The following TBC1D21 variants were observed in gnomAD, a reference collection of about 807,000 sequenced individuals.
TBC1D21 encodes TBC1 domain family member 21.
Under a neutral mutation model 46.0 loss-of-function variants are expected in TBC1D21, and 38 were observed. That is an observed-to-expected ratio of 0.83 (90% CI 0.64 to 1.08). The LOEUF (loss-of-function observed/expected upper bound fraction) is 1.08. Ranked by LOEUF, TBC1D21 falls within the 50% of genes least tolerant of loss-of-function variation. TBC1D21 has a pLI of 0.00. For missense variants in TBC1D21, 415 were observed against 417.9 expected (o/e 0.99, Z 0.06); for synonymous variants, 151 against 157.2 (o/e 0.96, Z 0.29).
At chr15:73,873,912 C>A (rs1188943482) in intron 1 of TBC1D21, 143 bp downstream of exon 1, 4 of 913,194 alleles carry the variant, frequency 4.4e-6, no homozygotes, top group Non-Finnish European at 6.8e-6. Context: ...CTTACTCTTA[C>A]CATCAGCCCA....
the TBC1D21 span, among the ~76,000 whole-genome samples, chr15:73,907,208 A>C: frequency 6.6e-6 from 1 of 152,074 alleles, no homozygotes. Flanking sequence ...CAGAGCAAGC[A>C]GCTAAATATA....
intron 3 of TBC1D21, 112 bp from the exon 4 acceptor site, chr15:73,884,039 G>T: frequency 1.2e-6 from 1 of 839,932 alleles, no homozygotes; most frequent in African/African-American, 1.7e-5. Context: ...GTGCATGGCT[G>T]GGTGAGGGTG....
Position 73,886,167 on chromosome 15 carries a change from G to A in TBC1D21, c.669G>A (p.Glu223=). 6.2e-7 allele frequency: 1 copy of A among 1,614,166 alleles called. No homozygotes were observed. Among genetic ancestry groups the A allele is most frequent in the Non-Finnish European group, 8.5e-7 (1 of 1,179,998 alleles). ...LITFLDPVFA[E]HLKGKGAGAV... is the part of the protein sequence containing the mutation. ...CCTTCCTGGACCCCGTGTTTGCTGA[G>A]CACCTAAGTGAGTGGTTCCCACCTC... Residue 223 remains glutamate (E), a synonymous_variant, in exon 7 of 11, where the codon GAG becomes GAA. Coordinates refer to ENST00000300504, the MANE Select transcript of TBC1D21 (RefSeq NM_153356.3).
intron 1 of TBC1D21, 51 bp downstream of exon 1, chr15:73,873,820 G>A (rs1395945483): frequency 6.3e-6 from 10 of 1,580,860 alleles, no homozygotes; most frequent in Non-Finnish European, 8.6e-6. Flanking sequence ...CCTCTGGTTG[G>A]CACTGGGACC....
chr15:73,901,887 C>T, the TBC1D21 span, among the ~76,000 whole-genome samples: 2 of 152,160 alleles, frequency 1.3e-5, no homozygotes, highest in African/African-American at 4.8e-5. Context: ...CCATGGCTCA[C>T]TGCAGCCTTG....
At chr15:73,904,815 G>T in the TBC1D21 span, among the ~76,000 whole-genome samples, 1 of 152,130 alleles carries the variant, frequency 6.6e-6, no homozygotes, top group African/African-American at 2.4e-5. Context: ...GAAGAGACAC[G>T]GAGAGAAGAG....
intron 1 of TBC1D21, among the ~76,000 whole-genome samples, chr15:73,876,219 T>TTTTTGTTTG (rs2068061214): frequency 2.3e-5 from 1 of 43,088 alleles, no homozygotes; most frequent in Admixed American, 2.4e-4. Context: ...TTTTTTTTTT[T>TTTTTGTTTG]TTTTTTTTTT....
At chr15:73,876,009 A>G (rs2068052938) in intron 1 of TBC1D21, among the ~76,000 whole-genome samples, 1 of 152,014 alleles carries the variant, frequency 6.6e-6, no homozygotes, top group South Asian at 2.1e-4. Flanking sequence ...GAGGGCTTCT[A>G]AGTGACATTT....
the TBC1D21 span, among the ~76,000 whole-genome samples, chr15:73,909,097 C>T: frequency 1.7e-4 from 26 of 152,288 alleles, no homozygotes; most frequent in Admixed American, 3.3e-4. Flanking sequence ...AAAGGCCAGG[C>T]GCAGTGGCTC....
At chr15:73,878,644 T>C (rs1042169987) in intron 1 of TBC1D21, among the ~76,000 whole-genome samples, 1 of 152,148 alleles carries the variant, frequency 6.6e-6, no homozygotes, top group Non-Finnish European at 1.5e-5. Context: ...CAGAGAAATA[T>C]ATTGTGTTCA....
rs149330636 is a variant in TBC1D21 at position 73,884,883 on chromosome 15, C to T, written c.470C>T (p.Thr157Met). 33 of 1,613,722 alleles carry T rather than the reference C, an allele frequency of 2.0e-5. No individual in the cohort carries two copies. In the African/African-American group the frequency reaches 2.3e-4, roughly 11 times the overall value. ...CTGCTCCTGAGTTACGTCTGCAACA[C>T]GCAGGCAGGTGAGCCTCAGCCTCCC... ...KILLLSYVCN[T>M]QAEYQQGFHE... Residue 157 changes from threonine to methionine, a missense_variant, in exon 5 of 11, where the codon ACG becomes ATG. Thr to Met is a moderately conservative substitution (Grantham distance 81). Coordinates refer to ENST00000300504, the MANE Select transcript of TBC1D21 (RefSeq NM_153356.3).
chr15:73,874,444 G>A (rs1335100122), intron 1 of TBC1D21, among the ~76,000 whole-genome samples: 3 of 152,286 alleles, frequency 2.0e-5, no homozygotes, highest in Non-Finnish European at 2.9e-5. Flanking sequence ...TATTATGTAC[G>A]ATGAATGTTC....
intron 6 of TBC1D21, 76 bp from the exon 7 acceptor site, chr15:73,886,002 T>A (rs2068238331): frequency 8.0e-7 from 1 of 1,255,052 alleles, no homozygotes; most frequent in South Asian, 1.3e-5. Flanking sequence ...GAAGTGAAGC[T>A]GGGGGAAGCA....
chr15:73,874,742 C>T (rs552775547), intron 1 of TBC1D21, among the ~76,000 whole-genome samples: 13 of 152,320 alleles, frequency 8.5e-5, no homozygotes, highest in African/African-American at 2.9e-4. Context: ...AAACTGGAGA[C>T]GAAGCCCAGA....
intron 8 of TBC1D21, 66 bp downstream of exon 8, chr15:73,886,678 T>A (rs1210876451): frequency 1.5e-5 from 22 of 1,474,718 alleles, no homozygotes; most frequent in Non-Finnish European, 2.1e-5. Context: ...AAGCTGCAAG[T>A]CTTCCTTGCC....
the TBC1D21 span, among the ~76,000 whole-genome samples, chr15:73,904,057 T>C: frequency 6.6e-6 from 1 of 151,996 alleles, no homozygotes; most frequent in African/African-American, 2.4e-5. Flanking sequence ...CAAAAAAATA[T>C]ATATATATAT....
chr15:73,899,516 C>T, the TBC1D21 span, among the ~76,000 whole-genome samples: 150,345 of 152,210 alleles, frequency 0.99, 74,281 homozygotes, highest in East Asian at 1. Flanking sequence ...GGAAAGTTAA[C>T]ATTTAGATAG....
chr15:73,895,828 A>G, the TBC1D21 span, among the ~76,000 whole-genome samples: 1 of 152,184 alleles, frequency 6.6e-6, no homozygotes, highest in African/African-American at 2.4e-5. Context: ...TGGCTTGCCG[A>G]TGCTCTGCTC....
At chr15:73,903,395 C>T in the TBC1D21 span, among the ~76,000 whole-genome samples, 2 of 152,236 alleles carry the variant, frequency 1.3e-5, no homozygotes, top group Admixed American at 6.5e-5. Context: ...ATTTCCCACC[C>T]CTCAATGGGA....
Sources: allele counts gnomAD v4.1 joint callset (sites outside exome capture counted in the v4.1 genomes callset), GRCh38; gene constraint gnomAD v4.1.1; transcripts MANE v1.5; gene names NCBI Gene and HGNC (gene_info 2026-07-23, HGNC 2026-07-21).